The following TFCP2 variants were observed in gnomAD, a reference collection of about 807,000 sequenced individuals.
TFCP2 encodes the protein alpha-globin transcription factor CP2.
Under a neutral mutation model 73.4 loss-of-function variants are expected in TFCP2, and 33 were observed. The observed-to-expected ratio is 0.45, with a 90% CI of 0.34 to 0.60. TFCP2 has a LOEUF of 0.60. Among genes scored for constraint, TFCP2 ranks in the 20% least tolerant of loss-of-function variants. The pLI is 0.01. For missense variants in TFCP2, 352 were observed against 604.0 expected, an observed-to-expected ratio of 0.58 and a Z score of 4.37; for synonymous variants, 193 against 211.6, an observed-to-expected ratio of 0.91 and a Z score of 0.76.
intron 3 of TFCP2, among the ~76,000 whole-genome samples, chr12:51,117,190 G>T (rs1233339521): frequency 1.3e-5 from 2 of 152,134 alleles, no homozygotes; most frequent in Non-Finnish European, 2.9e-5. Flanking sequence ...TTACTTTGTA[G>T]AAGTGCCTAT....
intron 1 of TFCP2, among the ~76,000 whole-genome samples, chr12:51,143,856 A>T (rs546325328): frequency 7.2e-5 from 11 of 152,310 alleles, no homozygotes; most frequent in African/African-American, 2.6e-4. Flanking sequence ...ACAAAAGTAC[A>T]GATACAAAGC....
chr12:51,151,649 G>A (rs1346619773), intron 1 of TFCP2, among the ~76,000 whole-genome samples: 1 of 152,044 alleles, frequency 6.6e-6, no homozygotes, highest in Non-Finnish European at 1.5e-5. Flanking sequence ...TGTTAGCCAG[G>A]ATGCTCTCGA....
intron 1 of TFCP2, among the ~76,000 whole-genome samples, chr12:51,127,211 C>T (rs1424185113): frequency 1.3e-5 from 2 of 152,122 alleles, no homozygotes; most frequent in African/African-American, 4.8e-5. Flanking sequence ...GCAAGGGGCA[C>T]AGCTAGATGT....
At chr12:51,124,649 G>A (rs754763030) in intron 1 of TFCP2, 6 of 576,648 alleles carry the variant, frequency 1.0e-5, no homozygotes, top group African/African-American at 7.4e-5. Flanking sequence ...GAGCCTCCGC[G>A]GCTTCCAACT....
intron 13 of TFCP2, among the ~76,000 whole-genome samples, chr12:51,097,553 T>A (rs1438237573): frequency 1.3e-5 from 2 of 152,162 alleles, no homozygotes; most frequent in Non-Finnish European, 2.9e-5. Flanking sequence ...GGCAGCCTTC[T>A]TAATCTTTAA....
At chr12:51,117,437 G>C (rs1940556214) in intron 3 of TFCP2, among the ~76,000 whole-genome samples, 1 of 152,128 alleles carries the variant, frequency 6.6e-6, no homozygotes, top group Non-Finnish European at 1.5e-5. Flanking sequence ...ACCCTGGACA[G>C]GGAGTGGTAA....
rs199788659 is a variant in TFCP2 at position 51,099,314 on chromosome 12, C to T, written c.1276+341G>A. Among the ~76,000 whole-genome samples the T allele has an allele frequency of 3.9e-5, 6 of 151,914 alleles. No homozygotes were observed. The East Asian group carries it at 1.2e-3, about 29-fold the overall frequency. Reference sequence around the variant, plus strand: ...CAGCCTGGGCAACATAGGGAGATCCCATCTCTACAATAAATAAAACAATTA... The same window carrying T: ...CAGCCTGGGCAACATAGGGAGATCCTATCTCTACAATAAATAAAACAATTA... On this transcript the variant is annotated intron_variant, in intron 12 of 14. Coordinates refer to ENST00000257915, the MANE Select transcript of TFCP2 (RefSeq NM_005653.5).
intron 9 of TFCP2, 183 bp downstream of exon 9, chr12:51,103,972 C>A: frequency 1.4e-6 from 1 of 726,998 alleles, no homozygotes; most frequent in Non-Finnish European, 2.4e-6. Context: ...AAAGGTCCTG[C>A]ATTACTTGTT....
rs1161155075 is a variant in TFCP2, at chr12:51,118,704, A to G, written c.191T>C (p.Ile64Thr). 1 of 1,614,170 alleles carries G rather than the reference A, an allele frequency of 6.2e-7. No homozygotes were observed. Among genetic ancestry groups the G allele is most frequent in the South Asian group, 1.1e-5 (1 of 91,084 alleles). The part of the protein sequence containing the change: ...SSLPPDNENK[I>T]LPFQYVLCAA... ...ACAAAGCACATATTGAAAAGGCAGGATTTTATTCTCATTATCAGGAGGCAA... is the reference window on the plus strand; with the variant it reads ...ACAAAGCACATATTGAAAAGGCAGGGTTTTATTCTCATTATCAGGAGGCAA... The change falls in exon 2 of 15, where the codon ATC becomes ACC. Residue 64 changes from isoleucine (I) to threonine (T), a missense_variant. By Grantham distance (89) the Ile-to-Thr change is moderately conservative. Around this residue, in one of 6 missense-constraint regions of TFCP2, gnomAD observed 76 missense variants for 163.2 expected, o/e 0.47. Coordinates refer to ENST00000257915, the MANE Select transcript of TFCP2 (RefSeq NM_005653.5).
chr12:51,111,310 A>AT (rs1940395127), intron 4 of TFCP2, among the ~76,000 whole-genome samples: 1 of 151,722 alleles, frequency 6.6e-6, no homozygotes, highest in Admixed American at 6.6e-5. Flanking sequence ...CGCCCGGCTA[A>AT]TTTTTTTGTA....
chr12:51,101,112 G>A (rs1940100711), intron 11 of TFCP2, among the ~76,000 whole-genome samples: 1 of 152,036 alleles, frequency 6.6e-6, no homozygotes, highest in South Asian at 2.1e-4. Flanking sequence ...GACCATCCTG[G>A]CTAACACGGT....
intron 1 of TFCP2, among the ~76,000 whole-genome samples, chr12:51,138,487 C>T (rs1201520223): frequency 2.6e-5 from 4 of 151,718 alleles, no homozygotes; most frequent in African/African-American, 4.8e-5. Context: ...CTTTAATTGC[C>T]GATGACTTTC....
At chr12:51,110,237 A>G (rs1397501538) in intron 5 of TFCP2, among the ~76,000 whole-genome samples, 1 of 152,214 alleles carries the variant, frequency 6.6e-6, no homozygotes, top group Non-Finnish European at 1.5e-5. Context: ...TTAAGTATAA[A>G]TATGTTCAAA....
rs1939922881 is a variant in TFCP2, at chr12:51,095,166, T to C, written c.*75A>G. The stretch of plus-strand genomic sequence containing the variant: ...GTTCTTGCAGACCTTCAAATCTCCA[T>C]TCATATCCCCCTTCAAGAGGGCCGT... On this transcript the variant is annotated 3_prime_UTR_variant, in exon 15 of 15. Coordinates refer to ENST00000257915, the MANE Select transcript of TFCP2 (RefSeq NM_005653.5). 1 of 1,500,140 alleles carries C rather than the reference T, an allele frequency of 6.7e-7. No homozygotes were observed. Among genetic ancestry groups the C allele is most frequent in the South Asian group, 1.1e-5 (1 of 88,830 alleles). 92.9% of individuals were successfully genotyped at this position (1,500,140 alleles called of 1,614,324 possible).
At chr12:51,102,524 G>A (rs1940135446) in intron 10 of TFCP2, among the ~76,000 whole-genome samples, 1 of 152,106 alleles carries the variant, frequency 6.6e-6, no homozygotes. Flanking sequence ...TCAGGAGTTC[G>A]AGACCAGCCT....
intron 1 of TFCP2, among the ~76,000 whole-genome samples, chr12:51,154,312 T>C (rs1415520188): frequency 6.6e-6 from 1 of 152,192 alleles, no homozygotes; most frequent in Non-Finnish European, 1.5e-5. Context: ...TATATATGTA[T>C]ATCCATGGTA....
chr12:51,151,265 A>T (rs1345499330), intron 1 of TFCP2, among the ~76,000 whole-genome samples: 1 of 152,204 alleles, frequency 6.6e-6, no homozygotes. Context: ...TGTGGCTTTT[A>T]TTCAGTGAGA....
intron 3 of TFCP2, among the ~76,000 whole-genome samples, chr12:51,117,247 GC>G (rs1262162997): frequency 6.6e-6 from 1 of 152,154 alleles, no homozygotes; most frequent in Admixed American, 6.6e-5. Context: ...TTTCAACTGT[GC>G]TGTGAATTAT....
At chr12:51,151,631 T>C (rs1941428456) in intron 1 of TFCP2, among the ~76,000 whole-genome samples, 1 of 151,968 alleles carries the variant, frequency 6.6e-6, no homozygotes, top group Non-Finnish European at 1.5e-5. Flanking sequence ...AGAGACTGGG[T>C]TTCACCGTGT....
Sources: allele counts gnomAD v4.1 joint callset (sites outside exome capture counted in the v4.1 genomes callset), GRCh38; gene constraint gnomAD v4.1.1; regional missense constraint gnomAD v4.1.1; transcripts MANE v1.5; gene names NCBI Gene and HGNC (gene_info 2026-07-23, HGNC 2026-07-21).